The following RAPGEF2 variants were observed in gnomAD, a reference collection of about 807,000 sequenced individuals.
RAPGEF2 encodes the protein PDZ domain containing guanine nucleotide exchange factor (GEF) 1.
Under a neutral mutation model 186.7 loss-of-function variants are expected in RAPGEF2, and 54 were observed. The observed-to-expected ratio is 0.29, with a 90% CI of 0.23 to 0.36. RAPGEF2 has a LOEUF of 0.36. Among genes scored for constraint, RAPGEF2 ranks in the 10% least tolerant of loss-of-function variants. The pLI is 1.00. For synonymous variants in RAPGEF2, 712 were observed against 705.9 expected, an observed-to-expected ratio of 1.01 and a Z score of -0.14; for missense variants, 1,532 against 2,045.0, an observed-to-expected ratio of 0.75 and a Z score of 4.84.
chr4:159,268,236 T>A lies in RAPGEF2; in HGVS notation c.543+24445T>A. 3 of 1,536,416 alleles carry A rather than the reference T, an allele frequency of 2.0e-6. No individual in the cohort carries two copies. In the South Asian group the frequency reaches 3.4e-5, roughly 17 times the overall value. Reference sequence around the variant, plus strand: ...ACTCAGTAAGTATCGCAAATGCTGCTTGTGCTTTGATAGCACGTCATAGAG... The same window carrying A: ...ACTCAGTAAGTATCGCAAATGCTGCATGTGCTTTGATAGCACGTCATAGAG... On this transcript the variant is annotated intron_variant, in intron 7 of 29. Coordinates refer to ENST00000691494, the MANE Select transcript of RAPGEF2 (RefSeq NM_001394067.2).
At chr4:159,230,203 T>C (rs779856142) in intron 4 of RAPGEF2, among the ~76,000 whole-genome samples, 2 of 152,220 alleles carry the variant, frequency 1.3e-5, no homozygotes, top group African/African-American at 2.4e-5. Context: ...TCCTACTTTA[T>C]GGCCTCTAAC....
At chr4:159,265,423 A>G (rs1357734293) in intron 7 of RAPGEF2, among the ~76,000 whole-genome samples, 1 of 152,220 alleles carries the variant, frequency 6.6e-6, no homozygotes, top group Non-Finnish European at 1.5e-5. Flanking sequence ...CAGTCAGGAA[A>G]GGAAGGAAGA....
At chr4:159,165,877 A>G (rs773565993) in intron 1 of RAPGEF2, among the ~76,000 whole-genome samples, 3 of 152,168 alleles carry the variant, frequency 2.0e-5, no homozygotes, top group African/African-American at 4.8e-5. Flanking sequence ...ACAGGCATGA[A>G]CCACTGTGCC....
chr4:159,303,065 G>T (rs761884345), intron 7 of RAPGEF2, among the ~76,000 whole-genome samples: 4 of 152,116 alleles, frequency 2.6e-5, no homozygotes, highest in African/African-American at 7.2e-5. Context: ...TAAACAGATT[G>T]TATGTAAATA....
chr4:159,270,128 T>A (rs944433731), intron 7 of RAPGEF2, among the ~76,000 whole-genome samples: 2 of 152,226 alleles, frequency 1.3e-5, no homozygotes, highest in African/African-American at 4.8e-5. Flanking sequence ...TGGTTAGAAC[T>A]TGAAATACTA....
intron 4 of RAPGEF2, among the ~76,000 whole-genome samples, chr4:159,235,668 C>G (rs1403867542): frequency 6.6e-6 from 1 of 152,046 alleles, no homozygotes; most frequent in Non-Finnish European, 1.5e-5. Flanking sequence ...TTATCTGTTG[C>G]CTTTAAGTCT....
rs145552083 is a variant in RAPGEF2 at position 159,294,596 on chromosome 4, G to A, written c.544-9746G>A. ...TAGATTTTGGAGCCTGTTACTGAGGGTTTTGGACAAGCCACTTGAGCTCTT... is the reference window on the plus strand; with the variant it reads ...TAGATTTTGGAGCCTGTTACTGAGGATTTTGGACAAGCCACTTGAGCTCTT... On this transcript the variant is annotated intron_variant, in intron 7 of 29. Coordinates refer to ENST00000691494, the MANE Select transcript of RAPGEF2 (RefSeq NM_001394067.2). Among the ~76,000 whole-genome samples the A allele has an allele frequency of 3.1e-3, 477 of 151,960 alleles. 6 individuals are homozygous for A. The highest frequency in any genetic ancestry group is 0.011 in the African/African-American group (456 of 41,482).
At chr4:159,310,487 ATTTT>A (rs900132792) in intron 8 of RAPGEF2, among the ~76,000 whole-genome samples, 2 of 152,058 alleles carry the variant, frequency 1.3e-5, no homozygotes, top group African/African-American at 4.8e-5. Context: ...TGGCATAAAA[ATTTT>A]TTTGTTTGTG....
intron 19 of RAPGEF2, 38 bp from the exon 20 acceptor site, chr4:159,341,526 C>T: frequency 6.5e-7 from 1 of 1,531,392 alleles, no homozygotes; most frequent in Non-Finnish European, 8.8e-7. Flanking sequence ...GAGATTGCTG[C>T]TTAGGCTTTG....
At chr4:159,302,704 T>C (rs1485731951) in intron 7 of RAPGEF2, among the ~76,000 whole-genome samples, 1 of 152,188 alleles carries the variant, frequency 6.6e-6, no homozygotes, top group African/African-American at 2.4e-5. Context: ...AAATTCTGAA[T>C]TTAGAGGTAT....
At chr4:159,357,253 A>G (rs1732161940) in intron 29 of RAPGEF2, among the ~76,000 whole-genome samples, 1 of 152,136 alleles carries the variant, frequency 6.6e-6, no homozygotes, top group Non-Finnish European at 1.5e-5. Flanking sequence ...CCTAGCTACT[A>G]TGGAGGCTGA....
chr4:159,160,051 A>G lies in RAPGEF2; in HGVS notation c.70-26591A>G, dbSNP rs140046467. On this transcript the variant is annotated intron_variant, in intron 1 of 29. Transcript: ENST00000691494. ...GAATTCATATTAATTGGACACTTAC[A>G]TAGTTGTTTTAGTCTAATGAGATTA... 2.0e-4 allele frequency among the ~76,000 whole-genome samples: 31 copies of G among 152,352 alleles called. No homozygotes were observed. In the East Asian group the frequency reaches 4.4e-3, roughly 22 times the overall value.
intron 3 of RAPGEF2, among the ~76,000 whole-genome samples, chr4:159,198,386 T>TCCTG (rs1257326289): frequency 1.4e-5 from 2 of 143,376 alleles, no homozygotes; most frequent in Non-Finnish European, 3.0e-5. Context: ...TTTCCTTCCT[T>TCCTG]CCTTCCTTCC....
intron 7 of RAPGEF2, among the ~76,000 whole-genome samples, chr4:159,270,544 T>C (rs950725953): frequency 6.6e-6 from 1 of 151,914 alleles, no homozygotes; most frequent in Admixed American, 6.6e-5. Context: ...AAATTTGGGG[T>C]GGGGGCATTT....
At position 159,165,898 on chromosome 4, in the gene RAPGEF2, T is replaced by C. The variant is rs115593784; in HGVS notation, c.70-20744T>C. Among the ~76,000 whole-genome samples the C allele has an allele frequency of 5.5e-3, 845 of 152,256 alleles. 12 individuals are homozygous for C. Among genetic ancestry groups the C allele is most frequent in the African/African-American group, 0.019 (808 of 41,546 alleles). On this transcript the variant is annotated intron_variant, in intron 1 of 29. Coordinates refer to ENST00000691494, the MANE Select transcript of RAPGEF2 (RefSeq NM_001394067.2). Reference sequence around the variant, plus strand: ...ATGAACCACTGTGCCTAGCTAACAATGGACATTTTGGAAAATGTGAAAAGA... The same window carrying C: ...ATGAACCACTGTGCCTAGCTAACAACGGACATTTTGGAAAATGTGAAAAGA...
intron 1 of RAPGEF2, among the ~76,000 whole-genome samples, chr4:159,113,914 TAATA>T (rs1738769151): frequency 2.0e-5 from 3 of 152,142 alleles, no homozygotes; most frequent in African/African-American, 7.2e-5. Context: ...ACATAATAGC[TAATA>T]AATAAATGGA....
At chr4:159,159,686 T>C (rs1014190575) in intron 1 of RAPGEF2, among the ~76,000 whole-genome samples, 14 of 152,340 alleles carry the variant, frequency 9.2e-5, no homozygotes, top group Middle Eastern at 3.4e-3. Flanking sequence ...AATTAAATTT[T>C]AGTGACTTTT....
chr4:159,234,761 CTAT>C (rs1409336189), intron 4 of RAPGEF2, among the ~76,000 whole-genome samples: 2 of 149,522 alleles, frequency 1.3e-5, no homozygotes, highest in Non-Finnish European at 3.0e-5. Flanking sequence ...TGCTCCCAGC[CTAT>C]TATTATTATT....
chr4:159,275,477 T>C (rs904025608), intron 7 of RAPGEF2, among the ~76,000 whole-genome samples: 1 of 152,186 alleles, frequency 6.6e-6, no homozygotes, highest in Non-Finnish European at 1.5e-5. Context: ...CCTTTCCCCT[T>C]TATCGATACA....
Sources: gnomAD v4.1 joint callset for allele counts (sites outside exome capture counted in the v4.1 genomes callset) on GRCh38, gnomAD v4.1.1 for gene constraint, MANE v1.5 for transcripts, NCBI Gene and HGNC (gene_info 2026-07-23, HGNC 2026-07-21) for gene names.